ARHGEF28: variants seen among roughly 807,000 people sequenced by gnomAD.
ARHGEF28 encodes the protein Rho guanine nucleotide exchange factor 28, also known as 190 kDa guanine nucleotide exchange factor.
In ARHGEF28, 152 loss-of-function variants were observed where a neutral mutation model predicts 206.6. The ratio of observed to expected loss-of-function variants is 0.74; its 90% CI spans 0.64 to 0.84. The LOEUF is 0.84. Among genes scored for constraint, ARHGEF28 ranks in the 40% least tolerant of loss-of-function variants. The pLI, the probability that ARHGEF28 is intolerant of heterozygous loss-of-function variation, is 0.00. For missense variants in ARHGEF28, 2,028 were observed against 2,073.2 expected, an observed-to-expected ratio of 0.98 and a Z score of 0.42; for synonymous variants, 763 against 776.4, an observed-to-expected ratio of 0.98 and a Z score of 0.29.
chr5:73,872,201 T>G (rs1234513512), intron 21 of ARHGEF28, among the ~76,000 whole-genome samples: 1 of 152,210 alleles, frequency 6.6e-6, no homozygotes, highest in Non-Finnish European at 1.5e-5. Flanking sequence ...AAGTGATGTG[T>G]CATTTTGGTT....
intron 11 of ARHGEF28, among the ~76,000 whole-genome samples, chr5:73,842,064 G>T (rs912710639): frequency 6.6e-6 from 1 of 152,096 alleles, no homozygotes; most frequent in Non-Finnish European, 1.5e-5. Context: ...GCACACATGT[G>T]TGTCCATATC....
chr5:73,723,571 C>T (rs892001137), intron 2 of ARHGEF28, among the ~76,000 whole-genome samples: 4 of 152,130 alleles, frequency 2.6e-5, no homozygotes, highest in African/African-American at 9.7e-5. Flanking sequence ...TTTTAATTTT[C>T]AACAAAGATC....
chr5:73,780,489 C>G (rs1753776034), intron 6 of ARHGEF28, 187 bp from the exon 7 acceptor site: 1 of 584,692 alleles, frequency 1.7e-6, no homozygotes, highest in Admixed American at 3.0e-5. Flanking sequence ...GGAGTTTCTC[C>G]TGACTTTGCT....
chr5:73,699,568 A>G (rs1580498629), intron 2 of ARHGEF28, among the ~76,000 whole-genome samples: 1 of 152,186 alleles, frequency 6.6e-6, no homozygotes, highest in Admixed American at 6.5e-5. Flanking sequence ...GTGGAGTAAC[A>G]TATACGGGAG....
intron 35 of ARHGEF28, among the ~76,000 whole-genome samples, chr5:73,927,945 A>G (rs2112007182): frequency 6.6e-6 from 1 of 152,330 alleles, no homozygotes; most frequent in African/African-American, 2.4e-5. Context: ...TGGTTCGGAA[A>G]GATGTTTCAG....
At chr5:73,854,869 A>AC (rs1758920213) in intron 14 of ARHGEF28, among the ~76,000 whole-genome samples, 1 of 151,888 alleles carries the variant, frequency 6.6e-6, no homozygotes, top group Non-Finnish European at 1.5e-5. Context: ...AACAACAACA[A>AC]AAAAACACTT....
At chr5:73,718,005 A>G (rs1173748683) in intron 2 of ARHGEF28, among the ~76,000 whole-genome samples, 1 of 152,056 alleles carries the variant, frequency 6.6e-6, no homozygotes, top group Non-Finnish European at 1.5e-5. Flanking sequence ...CAGCCTCCCA[A>G]GTAGCTGGGA....
At chr5:73,761,370 G>A (rs899829483) in intron 4 of ARHGEF28, among the ~76,000 whole-genome samples, 3 of 152,116 alleles carry the variant, frequency 2.0e-5, no homozygotes, top group Non-Finnish European at 2.9e-5. Context: ...TTGGTTTGTA[G>A]ATAAAACATT....
At chr5:73,658,562 T>C (rs945501354) in intron 1 of ARHGEF28, among the ~76,000 whole-genome samples, 1 of 152,132 alleles carries the variant, frequency 6.6e-6, no homozygotes, top group African/African-American at 2.4e-5. Flanking sequence ...CTGTGACCAG[T>C]TGATGAAAAA....
Position 73,885,975 on chromosome 5 carries a change from A to T in ARHGEF28, c.3181A>T (p.Ile1061Phe). The T allele has an allele frequency of 1.2e-6, 2 of 1,613,816 alleles. No homozygotes were observed. The highest frequency in any genetic ancestry group is 2.2e-5 in the South Asian group (2 of 91,058). The change falls in exon 25 of 36, where the codon ATT becomes TTT. Residue 1061 changes from isoleucine (I) to phenylalanine (F), a missense_variant. Transcript: ENST00000513042. ...NQKWLEILNK[I>F]ENKTYTKLKN... is the part of the protein sequence containing the mutation. Reference sequence around the variant, plus strand: ...AAAATGGCTTGAGATCCTAAATAAGATTGAAAACAAAACATACACGAAGCT... The same window carrying T: ...AAAATGGCTTGAGATCCTAAATAAGTTTGAAAACAAAACATACACGAAGCT...
intron 30 of ARHGEF28, 36 bp from the exon 31 acceptor site, chr5:73,901,148 G>GTCC: frequency 6.3e-7 from 1 of 1,584,048 alleles, no homozygotes; most frequent in East Asian, 2.3e-5. Context: ...GTTTGACGCT[G>GTCC]TCCTTTTTGT....
Position 73,846,493 on chromosome 5 carries a change from A to G in ARHGEF28, c.1635+18A>G. The G allele has an allele frequency of 2.5e-6, 4 of 1,602,238 alleles. No individual in the cohort carries two copies. Among genetic ancestry groups the G allele is most frequent in the Middle Eastern group, 1.7e-4 (1 of 6,014 alleles). On this transcript the variant is annotated intron_variant, in intron 12 of 35. Coordinates refer to ENST00000513042, the MANE Select transcript of ARHGEF28 (RefSeq NM_001177693.2). ...AGTCGAAGGTATTCTTATTGCTATTAATTTGGTATATTGCAAGTGTGGAGA... is the reference window on the plus strand; with the variant it reads ...AGTCGAAGGTATTCTTATTGCTATTGATTTGGTATATTGCAAGTGTGGAGA...
intron 3 of ARHGEF28, among the ~76,000 whole-genome samples, chr5:73,750,409 C>A (rs1048080930): frequency 6.6e-6 from 1 of 152,054 alleles, no homozygotes; most frequent in Non-Finnish European, 1.5e-5. Context: ...AGCAGCCTGG[C>A]AGCCATGGGT....
At chr5:73,866,091 CT>C (rs1759689021) in intron 18 of ARHGEF28, 78 bp downstream of exon 18, 2 of 1,155,384 alleles carry the variant, frequency 1.7e-6, no homozygotes, top group Non-Finnish European at 2.4e-6. Context: ...AAAATATCTC[CT>C]TTTGTTTTCT....
At chr5:73,741,381 G>GTATA (rs1751400802) in intron 2 of ARHGEF28, among the ~76,000 whole-genome samples, 1 of 26,718 alleles carries the variant, frequency 3.7e-5, no homozygotes, top group African/African-American at 2.2e-4. Flanking sequence ...GTGTGTGTGT[G>GTATA]TGTGTATATA....
chr5:73,940,874 C>T lies in ARHGEF28; in HGVS notation c.4979C>T (p.Thr1660Ile), dbSNP rs889191135. The change falls in exon 36 of 36, where the codon ACC becomes ATC. Residue 1660 changes from threonine (T) to isoleucine (I), a missense_variant. By Grantham distance (89) the Thr-to-Ile change is moderately conservative. Coordinates refer to ENST00000513042, the MANE Select transcript of ARHGEF28 (RefSeq NM_001177693.2). ...GACACCTCCCACACTGAGTCCCCAACCCCCCATGACTCAAATTCACACCGC... is the reference window on the plus strand; with the variant it reads ...GACACCTCCCACACTGAGTCCCCAATCCCCCATGACTCAAATTCACACCGC... The part of the protein sequence containing the change: ...DLDTSHTESP[T>I]PHDSNSHRPQ... 2 of 1,526,944 alleles carry T rather than the reference C, an allele frequency of 1.3e-6. No homozygotes were observed. The highest frequency in any genetic ancestry group is 1.7e-6 in the Non-Finnish European group (2 of 1,144,132). 94.6% of individuals were successfully genotyped at this position (1,526,944 alleles called of 1,614,324 possible). A position where few individuals can be genotyped will look rare whatever the true frequency, so the allele number is the denominator to read the frequency against.
At chr5:73,745,152 G>A (rs1751653545) in intron 2 of ARHGEF28, among the ~76,000 whole-genome samples, 1 of 151,970 alleles carries the variant, frequency 6.6e-6, no homozygotes, top group Admixed American at 6.6e-5. Context: ...TTAAGGTGTT[G>A]TTCAGCAAAT....
chr5:73,858,071 G>C lies in ARHGEF28; in HGVS notation c.1915-16G>C. The C allele has an allele frequency of 6.3e-7, 1 of 1,590,282 alleles. No homozygotes were observed. Among genetic ancestry groups the C allele is most frequent in the Non-Finnish European group, 8.5e-7 (1 of 1,172,700 alleles). ...CATTTTTCCCCACTTTCCTACTGCT[G>C]CTGCTGCATCTGAAGACAAAAAGCA... is the stretch of plus-strand genomic sequence containing the variant. On this transcript the variant is annotated splice_polypyrimidine_tract_variant and intron_variant, in intron 15 of 35. Transcript: ENST00000513042.
chr5:73,914,388 T>C (rs1474472442), intron 35 of ARHGEF28, among the ~76,000 whole-genome samples: 1 of 141,604 alleles, frequency 7.1e-6, no homozygotes, highest in Non-Finnish European at 1.5e-5. Context: ...ACATTCTGAA[T>C]TGCTTTTTTT....
Sources: allele counts gnomAD v4.1 joint callset (sites outside exome capture counted in the v4.1 genomes callset), GRCh38; gene constraint gnomAD v4.1.1; transcripts MANE v1.5; gene names NCBI Gene and HGNC (gene_info 2026-07-23, HGNC 2026-07-21).